The following AP2A1 variants were observed in gnomAD, a reference collection of about 807,000 sequenced individuals.
AP2A1 encodes the protein adaptor related protein complex 2 subunit alpha 1.
AP2A1 carries 21 observed loss-of-function variants against 107.3 expected under a neutral mutation model. The ratio of observed to expected loss-of-function variants is 0.20; its 90% CI spans 0.14 to 0.28. The LOEUF is 0.28. AP2A1 is among the 10% of genes least tolerant of loss of function. The pLI, the probability that AP2A1 is intolerant of heterozygous loss-of-function variation, is 1.00. For synonymous variants in AP2A1, 602 were observed against 564.8 expected (o/e 1.07, Z -0.93); for missense variants, 873 against 1,307.7 (o/e 0.67, Z 5.13).
chr19:49,771,121 G>C (rs569736021), intron 1 of AP2A1, among the ~76,000 whole-genome samples: 54 of 151,764 alleles, frequency 3.6e-4, no homozygotes, highest in Non-Finnish European at 7.1e-4. Context: ...AAAGTGCTAG[G>C]ATTACAGGTG....
At chr19:49,786,598 G>C (rs771913949) in intron 4 of AP2A1, among the ~76,000 whole-genome samples, 3 of 152,226 alleles carry the variant, frequency 2.0e-5, no homozygotes, top group African/African-American at 7.2e-5. Flanking sequence ...CTCTGGCAGG[G>C]GGGGTGGGAG....
At chr19:49,787,083 T>C (rs1012517114) in intron 4 of AP2A1, among the ~76,000 whole-genome samples, 2 of 152,142 alleles carry the variant, frequency 1.3e-5, no homozygotes, top group Non-Finnish European at 2.9e-5. Flanking sequence ...CTTGGCTCAC[T>C]GCAACCTCCG....
chr19:49,796,079 C>T, intron 7 of AP2A1: 1 of 293,096 alleles, frequency 3.4e-6, no homozygotes, highest in South Asian at 4.4e-5. Context: ...CAGCGTCACT[C>T]ACCCGGTCAG....
intron 4 of AP2A1, among the ~76,000 whole-genome samples, chr19:49,791,253 T>G (rs1390805691): frequency 2.0e-5 from 3 of 152,240 alleles, no homozygotes; most frequent in African/African-American, 7.2e-5. Context: ...TAGAGACAGC[T>G]CTAACTCTGT....
At chr19:49,781,672 C>T (rs2084677008) in intron 1 of AP2A1, 85 bp from the exon 2 acceptor site, 2 of 1,364,548 alleles carry the variant, frequency 1.5e-6, no homozygotes, top group South Asian at 2.5e-5. Context: ...GCCCTTCCTG[C>T]TGGGTGGGGC....
intron 1 of AP2A1, among the ~76,000 whole-genome samples, chr19:49,771,554 G>A (rs1156715641): frequency 1.3e-5 from 2 of 150,926 alleles, no homozygotes; most frequent in Non-Finnish European, 3.0e-5. Flanking sequence ...GATTATAGGC[G>A]CCCGCCACTA....
intron 1 of AP2A1, among the ~76,000 whole-genome samples, chr19:49,781,457 G>A (rs962404134): frequency 2.0e-5 from 3 of 152,154 alleles, no homozygotes; most frequent in Admixed American, 2.0e-4. Context: ...AGCTCTCAGG[G>A]AGCGTGTCTG....
chr19:49,776,160 G>A (rs1024764593), intron 1 of AP2A1, among the ~76,000 whole-genome samples: 4 of 152,026 alleles, frequency 2.6e-5, no homozygotes, highest in Admixed American at 6.5e-5. Flanking sequence ...GAGAGGCTGC[G>A]TGGTCTGGCC....
intron 7 of AP2A1, among the ~76,000 whole-genome samples, chr19:49,798,514 T>C (rs911174027): frequency 6.6e-6 from 1 of 152,148 alleles, no homozygotes; most frequent in Non-Finnish European, 1.5e-5. Context: ...ATGAGGAAAC[T>C]GAGGCTCACA....
chr19:49,797,041 C>T (rs1390888343), intron 7 of AP2A1: 1 of 152,228 alleles, frequency 6.6e-6, no homozygotes, highest in African/African-American at 2.4e-5. Context: ...TCTTTTTCGT[C>T]CTGTCAAGAA....
intron 1 of AP2A1, among the ~76,000 whole-genome samples, chr19:49,769,028 T>C (rs2084531414): frequency 6.6e-6 from 1 of 152,110 alleles, no homozygotes; most frequent in Admixed American, 6.6e-5. Flanking sequence ...GGTAGGCGGA[T>C]CACCTGAGGT....
In AP2A1 at chr19:49,806,944, G is replaced by A; in HGVS notation, c.*186G>A. On this transcript the variant is annotated 3_prime_UTR_variant, in exon 23 of 23. Transcript: ENST00000354293. The stretch of plus-strand genomic sequence containing the variant: ...ATCTGCTGCTGTTTACATTCTGGGG[G>A]GTTAGGGGGAGTCCCCCTCCCTCCC... 6.5e-7 allele frequency: 1 copy of A among 1,534,024 alleles called. No homozygotes were observed. Among genetic ancestry groups the A allele is most frequent in the Non-Finnish European group, 8.7e-7 (1 of 1,146,728 alleles).
chr19:49,805,313 TGTA>T, intron 18 of AP2A1, 137 bp from the exon 19 acceptor site: 1 of 1,034,500 alleles, frequency 9.7e-7, no homozygotes, highest in Non-Finnish European at 1.3e-6. Context: ...AGTTGAACCT[TGTA>T]GGATTGAGTC....
At chr19:49,773,743 G>A (rs2084589075) in intron 1 of AP2A1, among the ~76,000 whole-genome samples, 1 of 152,174 alleles carries the variant, frequency 6.6e-6, no homozygotes, top group African/African-American at 2.4e-5. Flanking sequence ...TATATAGGCT[G>A]GTCAGAGAGT....
At chr19:49,771,303 T>TAAAAAAA (rs902347385) in intron 1 of AP2A1, among the ~76,000 whole-genome samples, 25 of 98,026 alleles carry the variant, frequency 2.6e-4, no homozygotes, top group South Asian at 7.0e-4. Flanking sequence ...CCTCATCTCT[T>TAAAAAAA]AAAAAAAAAA....
intron 1 of AP2A1, among the ~76,000 whole-genome samples, chr19:49,779,758 A>G (rs1343775480): frequency 6.6e-6 from 1 of 151,996 alleles, no homozygotes; most frequent in Admixed American, 6.6e-5. Flanking sequence ...TTTTCTCCAC[A>G]CTGTCTTCTA....
chr19:49,794,994 C>T lies in AP2A1; in HGVS notation c.706-636C>T, dbSNP rs141945228. The stretch of plus-strand genomic sequence containing the variant: ...TTTCAATCTTTCACTAATTCCCTGC[C>T]TCTTCCCCGAACCTCTTCCTATCTG... On this transcript the variant is annotated intron_variant, in intron 6 of 22. Transcript: ENST00000354293. Among the ~76,000 whole-genome samples the T allele has an allele frequency of 2.9e-3, 444 of 152,352 alleles. 1 individual carries two copies. Among genetic ancestry groups the T allele is most frequent in the Non-Finnish European group, 5.2e-3 (356 of 68,034 alleles).
chr19:49,799,128 G>A (rs937129717), intron 8 of AP2A1, among the ~76,000 whole-genome samples, 176 bp downstream of exon 8: 5 of 152,176 alleles, frequency 3.3e-5, no homozygotes, highest in Non-Finnish European at 5.9e-5. Context: ...CTTCCTGGGG[G>A]CAGAATTGCT....
chr19:49,795,620 TC>T lies in AP2A1; in HGVS notation c.706-6del. ...CAGCCCCCAACTTATTTCTTGCTCT[TC>T]CCCGCCAGATCGTCTCCTCTGCCTC... On this transcript the variant is annotated splice_polypyrimidine_tract_variant and intron_variant, in intron 6 of 22. Transcript: ENST00000354293. The T allele has an allele frequency of 2.1e-6, 3 of 1,459,536 alleles. No homozygotes were observed. Among genetic ancestry groups the T allele is most frequent in the Middle Eastern group, 1.7e-4 (1 of 5,794 alleles). 90.4% of individuals were successfully genotyped at this position (1,459,536 alleles called of 1,614,324 possible).
Sources: allele counts gnomAD v4.1 joint callset (sites outside exome capture counted in the v4.1 genomes callset), GRCh38; gene constraint gnomAD v4.1.1; transcripts MANE v1.5; gene names NCBI Gene and HGNC (gene_info 2026-07-23, HGNC 2026-07-21).